Variants in CLVS1 observed in about 807,000 individuals in gnomAD.
The protein encoded by CLVS1 is clavesin 1.
CLVS1 carries 10 observed loss-of-function variants against 33.1 expected under a neutral mutation model. The ratio of observed to expected loss-of-function variants is 0.30; its 90% CI spans 0.19 to 0.51. The LOEUF is 0.51. Ranked by LOEUF, CLVS1 falls within the 20% of genes least tolerant of loss-of-function variation. The probability of loss-of-function intolerance (pLI) is 0.97; values close to 1 mark genes in which losing one functional copy is unlikely to be tolerated. For synonymous variants in CLVS1, 163 were observed against 166.1 expected (o/e 0.98, Z 0.14); for missense variants, 343 against 433.4 (o/e 0.79, Z 1.85).
chr8:61,153,206 T>C (rs1027366263), intron 2 of CLVS1, among the ~76,000 whole-genome samples: 10 of 152,346 alleles, frequency 6.6e-5, no homozygotes, highest in Middle Eastern at 3.4e-3. Context: ...AAGCAAATTT[T>C]CAAAATGAGT....
At chr8:61,087,082 C>G (rs181771677) in intron 1 of CLVS1, among the ~76,000 whole-genome samples, 24 of 152,332 alleles carry the variant, frequency 1.6e-4, no homozygotes, top group Non-Finnish European at 3.4e-4. Context: ...GCCTGAACTC[C>G]ATCCTCCAGC....
intron 3 of CLVS1, among the ~76,000 whole-genome samples, chr8:61,436,709 T>C (rs1313398669): frequency 6.6e-6 from 1 of 152,218 alleles, no homozygotes; most frequent in African/African-American, 2.4e-5. Flanking sequence ...CTTTCTTCTC[T>C]ATCTCCACTA....
chr8:61,273,963 C>G, intron 2 of CLVS1: 1 of 159,498 alleles, frequency 6.3e-6, no homozygotes. Flanking sequence ...GCGTCGCTCA[C>G]GCTGGGAGCT....
intron 3 of CLVS1, among the ~76,000 whole-genome samples, chr8:61,427,648 A>T (rs1815943727): frequency 6.6e-6 from 1 of 152,178 alleles, no homozygotes; most frequent in South Asian, 2.1e-4. Flanking sequence ...TCATCTACTG[A>T]ATCCTCACAG....
At chr8:61,128,168 A>G (rs1047324629) in intron 1 of CLVS1, among the ~76,000 whole-genome samples, 1 of 152,210 alleles carries the variant, frequency 6.6e-6, no homozygotes, top group Non-Finnish European at 1.5e-5. Flanking sequence ...TGTAAATCTA[A>G]TATCTCTAAA....
chr8:61,232,041 T>TTTTTTTTTTTTTTTTTTTTTGTTTTG (rs1554548394), intron 2 of CLVS1, among the ~76,000 whole-genome samples: 1 of 116,004 alleles, frequency 8.6e-6, no homozygotes, highest in African/African-American at 4.8e-5. Context: ...TTTTTTTTTT[T>TTTTTTTTTTTTTTTTTTTTTGTTTTG]TTTTTTTTTG....
chr8:61,111,544 T>C (rs1338220896), intron 1 of CLVS1, among the ~76,000 whole-genome samples: 1 of 152,206 alleles, frequency 6.6e-6, no homozygotes, highest in Non-Finnish European at 1.5e-5. Context: ...AATTGAAACT[T>C]ATTTTAGTTA....
chr8:61,286,619 C>T (rs554928362), upstream of CLVS1, among the ~76,000 whole-genome samples: 91 of 152,276 alleles, frequency 6.0e-4, no homozygotes, highest in Non-Finnish European at 9.1e-4. Flanking sequence ...CCACATGGTA[C>T]TTACATTCCA....
At chr8:61,102,911 C>T (rs1376419442) in intron 1 of CLVS1, among the ~76,000 whole-genome samples, 2 of 152,072 alleles carry the variant, frequency 1.3e-5, no homozygotes, top group Non-Finnish European at 2.9e-5. Flanking sequence ...AGGCAACCTC[C>T]CTGAGCTCTA....
At position 61,300,076 on chromosome 8, in the gene CLVS1, G is replaced by A. The variant is rs866957503; in HGVS notation, c.249G>A (p.Arg83=). 2 of 1,614,012 alleles carry A rather than the reference G, an allele frequency of 1.2e-6. No homozygotes were observed. Among genetic ancestry groups the A allele is most frequent in the Non-Finnish European group, 1.7e-6 (2 of 1,179,972 alleles). Residue 83 remains arginine, a synonymous_variant, in exon 2 of 6, where the codon AGG becomes AGA. Transcript: ENST00000325897. ...TCATCCTGAGATTTCTCCGAGCCAG[G>A]AAGTTTCACCAAGCGGATGCCTTTA... ...DAFILRFLRA[R]KFHQADAFRL...
intron 1 of CLVS1, among the ~76,000 whole-genome samples, chr8:61,123,367 G>A (rs1225068467): frequency 1.3e-5 from 2 of 152,092 alleles, no homozygotes; most frequent in African/African-American, 4.8e-5. Context: ...AATCAGTAAC[G>A]TTGTGGCTAT....
intron 2 of CLVS1, among the ~76,000 whole-genome samples, chr8:61,367,878 T>A (rs564785599): frequency 6.6e-6 from 1 of 152,364 alleles, no homozygotes; most frequent in East Asian, 1.9e-4. Context: ...TTTCTCTTTG[T>A]GTCTTCCACA....
intron 3 of CLVS1, chr8:61,377,969 A>G (rs935313827): frequency 1.3e-5 from 2 of 152,174 alleles, no homozygotes; most frequent in Non-Finnish European, 2.9e-5. Context: ...TTGCCTAATC[A>G]TAGACTTCTG....
chr8:61,014,392 A>C, the CLVS1 span, among the ~76,000 whole-genome samples: 1 of 152,254 alleles, frequency 6.6e-6, no homozygotes, highest in African/African-American at 2.4e-5. Flanking sequence ...TGACTCATAC[A>C]TTTCATTTCC....
chr8:61,311,491 G>A (rs533140646), intron 2 of CLVS1, among the ~76,000 whole-genome samples: 1 of 152,270 alleles, frequency 6.6e-6, no homozygotes, highest in South Asian at 2.1e-4. Context: ...GGATGGGAGA[G>A]CAGTTGGGTC....
chr8:61,008,463 A>C, the CLVS1 span, among the ~76,000 whole-genome samples: 1 of 139,752 alleles, frequency 7.2e-6, no homozygotes, highest in Non-Finnish European at 1.5e-5. Context: ...TTGGGGATTT[A>C]CTTTTTTTTT....
At chr8:61,359,491 G>A (rs559234911) in intron 2 of CLVS1, among the ~76,000 whole-genome samples, 8 of 152,208 alleles carry the variant, frequency 5.3e-5, no homozygotes, top group African/African-American at 1.4e-4. Flanking sequence ...GAGAAGCTGG[G>A]GTGATAGGCA....
At chr8:61,264,093 T>C (rs1412760509) in intron 2 of CLVS1, among the ~76,000 whole-genome samples, 1 of 152,100 alleles carries the variant, frequency 6.6e-6, no homozygotes, top group Non-Finnish European at 1.5e-5. Context: ...TCAGAACAGA[T>C]ACCCTCATGC....
intron 2 of CLVS1, among the ~76,000 whole-genome samples, chr8:61,302,248 C>T (rs137867983): frequency 1.2e-3 from 180 of 152,194 alleles, no homozygotes; most frequent in African/African-American, 3.6e-3. Flanking sequence ...GCTACCTTTC[C>T]GTGTTTCTAC....
Sources: allele counts gnomAD v4.1 joint callset (sites outside exome capture counted in the v4.1 genomes callset), GRCh38; gene constraint gnomAD v4.1.1; transcripts MANE v1.5; gene names NCBI Gene and HGNC (gene_info 2026-07-23, HGNC 2026-07-21).